MCTP2: variants seen among roughly 807,000 people sequenced by gnomAD.
MCTP2 encodes the protein multiple C2 and transmembrane domain-containing protein 2.
In MCTP2, 132 loss-of-function variants were observed where a neutral mutation model predicts 111.6. The observed-to-expected ratio is 1.18, with a 90% CI of 1.03 to 1.37. The LOEUF (loss-of-function observed/expected upper bound fraction) is 1.37. Ranked by LOEUF, MCTP2 falls within the 40% of genes most tolerant of loss-of-function variation. MCTP2 has a pLI of 0.00. For missense variants in MCTP2, 1,183 were observed against 1,067.9 expected, an observed-to-expected ratio of 1.11 and a Z score of -1.50; for synonymous variants, 395 against 387.7, an observed-to-expected ratio of 1.02 and a Z score of -0.22.
At chr15:94,253,047 T>C (rs896573937) in intron 1 of MCTP2, among the ~76,000 whole-genome samples, 8 of 152,170 alleles carry the variant, frequency 5.3e-5, no homozygotes, top group Admixed American at 3.9e-4. Flanking sequence ...TCTGCTTCCC[T>C]CAGCTGACTT....
intron 8 of MCTP2, among the ~76,000 whole-genome samples, chr15:94,349,203 C>T (rs566766476): frequency 3.2e-4 from 48 of 152,268 alleles, no homozygotes; most frequent in African/African-American, 9.9e-4. Context: ...TTCCTCCTCC[C>T]TGGAAGCTGT....
At chr15:94,348,563 T>C (rs7165753) in intron 8 of MCTP2, among the ~76,000 whole-genome samples, 61,538 of 131,640 alleles carry the variant, frequency 0.47, 14,000 homozygotes, top group African/African-American at 0.54. Flanking sequence ...TTTTGATTGT[T>C]TGTAGTCATA....
intron 19 of MCTP2, among the ~76,000 whole-genome samples, chr15:94,450,442 C>T (rs565960816): frequency 2.1e-4 from 32 of 152,342 alleles, no homozygotes; most frequent in African/African-American, 7.7e-4. Context: ...TGGTGCATTG[C>T]TGGGATTCCC....
At chr15:94,394,174 T>A (rs1473950293) in intron 14 of MCTP2, among the ~76,000 whole-genome samples, 1 of 152,090 alleles carries the variant, frequency 6.6e-6, no homozygotes, top group Non-Finnish European at 1.5e-5. Flanking sequence ...ACCACCTAGG[T>A]TGACACCCTG....
rs563229221 is a variant in MCTP2 at position 94,242,168 on chromosome 15, T to G, written c.-66+10504T>G. 2.6e-5 allele frequency among the ~76,000 whole-genome samples: 4 copies of G among 152,212 alleles called. 1 individual carries two copies. In the South Asian group the frequency reaches 8.3e-4, roughly 32 times the overall value. On this transcript the variant is annotated intron_variant, in intron 1 of 22. Transcript: ENST00000357742. ...ATGCTATGGCTCCCTCAAACCACCT[T>G]GTTACTGGGGAAAGACTGGGTTTTG...
rs2152550047 is a variant in MCTP2, at chr15:94,480,633, G to T, written c.*1599G>T. 1 of 152,304 alleles carries T rather than the reference G, an allele frequency of 6.6e-6. No individual in the cohort carries two copies. The highest frequency in any genetic ancestry group is 1.9e-4 in the East Asian group (1 of 5,192). 9.4% of individuals were successfully genotyped at this position (152,304 alleles called of 1,614,324 possible). ...TCTTCTGTGTAAACAATGCCTCATT[G>T]TCTTGCTTCTAACTATCATCTAGTT... is the stretch of plus-strand genomic sequence containing the variant. On this transcript the variant is annotated 3_prime_UTR_variant, in exon 23 of 23. Transcript: ENST00000357742.
intron 1 of MCTP2, among the ~76,000 whole-genome samples, chr15:94,239,808 G>A (rs906570986): frequency 6.6e-6 from 1 of 152,180 alleles, no homozygotes; most frequent in African/African-American, 2.4e-5. Flanking sequence ...GGTGGGGCTT[G>A]GAAAGTATCT....
chr15:94,337,067 C>T (rs574533472), intron 4 of MCTP2, among the ~76,000 whole-genome samples: 2 of 152,096 alleles, frequency 1.3e-5, no homozygotes, highest in South Asian at 2.1e-4. Flanking sequence ...CCTGAGTGGC[C>T]GACCCCTTTT....
chr15:94,355,551 C>T (rs145516414), intron 8 of MCTP2, among the ~76,000 whole-genome samples: 2 of 152,224 alleles, frequency 1.3e-5, no homozygotes, highest in South Asian at 2.1e-4. Flanking sequence ...GTGCTTTATA[C>T]GCCCCCTTCC....
intron 1 of MCTP2, among the ~76,000 whole-genome samples, chr15:94,280,259 A>AT (rs2074411964): frequency 2.0e-5 from 3 of 151,090 alleles, no homozygotes; most frequent in African/African-American, 7.3e-5. Flanking sequence ...AATTTTTTTT[A>AT]TTTTTTATTA....
At chr15:94,301,070 C>G (rs922835282) in intron 2 of MCTP2, among the ~76,000 whole-genome samples, 1 of 152,184 alleles carries the variant, frequency 6.6e-6, no homozygotes. Flanking sequence ...TATTCTGGAT[C>G]ATTTGGTTTT....
chr15:94,386,793 A>G (rs1186199119), intron 14 of MCTP2, among the ~76,000 whole-genome samples: 3 of 148,314 alleles, frequency 2.0e-5, no homozygotes, highest in Non-Finnish European at 3.0e-5. Context: ...TGCTTGGTGA[A>G]CATGACTTAA....
At chr15:94,340,377 T>C (rs1168864361) in intron 6 of MCTP2, 102 bp downstream of exon 6, 2 of 854,096 alleles carry the variant, frequency 2.3e-6, no homozygotes, top group African/African-American at 3.4e-5. Flanking sequence ...AAATAACATA[T>C]CTGAACAAAT....
At position 94,380,595 on chromosome 15, in the gene MCTP2, C is replaced by G. The variant is rs2080077950; in HGVS notation, c.1583-3427C>G. ...CCAGCCTGGCCAACATGGTGAAACC[C>G]TGTCTCCACTAAAAATACAAAAATT... On this transcript the variant is annotated intron_variant, in intron 12 of 22. Coordinates refer to ENST00000357742, the MANE Select transcript of MCTP2 (RefSeq NM_001385001.1). Among the ~76,000 whole-genome samples, 3 of 152,144 alleles carry G rather than the reference C, an allele frequency of 2.0e-5. No individual in the cohort carries two copies. In the South Asian group the frequency reaches 6.2e-4, roughly 32 times the overall value.
At chr15:94,394,392 C>T (rs1452457047) in intron 14 of MCTP2, among the ~76,000 whole-genome samples, 1 of 152,116 alleles carries the variant, frequency 6.6e-6, no homozygotes, top group Non-Finnish European at 1.5e-5. Context: ...TTATTTTCAT[C>T]TGCATTGTTT....
chr15:94,400,235 G>A (rs954308802), intron 16 of MCTP2, among the ~76,000 whole-genome samples: 2 of 152,126 alleles, frequency 1.3e-5, no homozygotes, highest in African/African-American at 4.8e-5. Context: ...GAAACAGAAG[G>A]TCTCAGGCCC....
chr15:94,458,084 A>G, intron 19 of MCTP2, 53 bp from the exon 20 acceptor site: 2 of 953,132 alleles, frequency 2.1e-6, no homozygotes, highest in South Asian at 1.3e-5. Flanking sequence ...TTTCTGTATC[A>G]GCATGATAAA....
At chr15:94,476,341 A>C (rs1424251058) in intron 21 of MCTP2, 1 of 167,588 alleles carries the variant, frequency 6.0e-6, no homozygotes, top group African/African-American at 2.4e-5. Context: ...CGTGCTCCCC[A>C]GTTTGAGCGT....
At chr15:94,322,832 G>A (rs1382987394) in intron 4 of MCTP2, among the ~76,000 whole-genome samples, 1 of 152,140 alleles carries the variant, frequency 6.6e-6, no homozygotes, top group Non-Finnish European at 1.5e-5. Context: ...GAAGAATATG[G>A]TGTCTCCCTT....
Sources: allele counts gnomAD v4.1 joint callset (sites outside exome capture counted in the v4.1 genomes callset), GRCh38; gene constraint gnomAD v4.1.1; transcripts MANE v1.5; gene names NCBI Gene and HGNC (gene_info 2026-07-23, HGNC 2026-07-21).